The following NFIB variants were observed in gnomAD, a reference collection of about 807,000 sequenced individuals.
NFIB encodes nuclear factor 1 B-type.
In NFIB, 11 loss-of-function variants were observed where a neutral mutation model predicts 61.5. The ratio of observed to expected loss-of-function variants is 0.18; its 90% CI spans 0.11 to 0.30. The LOEUF is 0.30. Among genes scored for constraint, NFIB ranks in the 10% least tolerant of loss-of-function variants. The pLI is 1.00. For missense variants in NFIB, 471 were observed against 608.9 expected, an observed-to-expected ratio of 0.77 and a Z score of 2.38; for synonymous variants, 260 against 216.5, an observed-to-expected ratio of 1.20 and a Z score of -1.76.
intron 1 of NFIB, among the ~76,000 whole-genome samples, chr9:14,375,489 C>T (rs556087006): frequency 1.3e-5 from 2 of 152,248 alleles, no homozygotes; most frequent in Admixed American, 6.5e-5. Context: ...AACCCCGTCT[C>T]TACTAAAAAT....
At chr9:14,376,517 C>CT (rs781462864) in intron 1 of NFIB, among the ~76,000 whole-genome samples, 8,956 of 128,396 alleles carry the variant, frequency 0.07, 327 homozygotes, top group African/African-American at 0.15. Flanking sequence ...CTAAAAGTGT[C>CT]ATTTTTTTTT....
chr9:14,388,046 G>T (rs1005291083), intron 1 of NFIB, among the ~76,000 whole-genome samples: 1 of 152,146 alleles, frequency 6.6e-6, no homozygotes, highest in African/African-American at 2.4e-5. Context: ...GTACAAAAAT[G>T]TGTACCACAG....
At chr9:14,393,618 T>G (rs1280635230) in intron 1 of NFIB, among the ~76,000 whole-genome samples, 1 of 152,200 alleles carries the variant, frequency 6.6e-6, no homozygotes, top group Non-Finnish European at 1.5e-5. Flanking sequence ...TTTATTGAAG[T>G]GATGCTAATT....
intron 1 of NFIB, among the ~76,000 whole-genome samples, chr9:14,331,427 C>T (rs1490722706): frequency 6.6e-6 from 1 of 152,132 alleles, no homozygotes; most frequent in African/African-American, 2.4e-5. Context: ...TTTGAAATTG[C>T]CTTTTAAACC....
intron 1 of NFIB, among the ~76,000 whole-genome samples, chr9:14,378,601 C>T (rs973807862): frequency 2.6e-5 from 4 of 152,220 alleles, no homozygotes; most frequent in East Asian, 1.9e-4. Flanking sequence ...GCAATCCACC[C>T]GCATGGGCCT....
the NFIB span, among the ~76,000 whole-genome samples, chr9:14,503,990 A>AT: frequency 4.6e-5 from 7 of 152,038 alleles, no homozygotes; most frequent in Non-Finnish European, 7.4e-5. Context: ...TCTTGAGTTG[A>AT]TTTTTTTATA....
the NFIB span, among the ~76,000 whole-genome samples, chr9:14,424,798 G>C: frequency 1.2e-3 from 183 of 152,248 alleles, no homozygotes; most frequent in African/African-American, 4.1e-3. Context: ...ACTTTCTTTA[G>C]CTCCAGTTTG....
At chr9:14,224,590 A>G (rs1389308545) in intron 2 of NFIB, among the ~76,000 whole-genome samples, 2 of 152,252 alleles carry the variant, frequency 1.3e-5, no homozygotes, top group Non-Finnish European at 2.9e-5. Context: ...TGCTGAATCC[A>G]CTCAAATGAA....
chr9:14,465,500 C>T, the NFIB span, among the ~76,000 whole-genome samples: 1 of 151,916 alleles, frequency 6.6e-6, no homozygotes, highest in Admixed American at 6.6e-5. Context: ...AAGAAAATGG[C>T]TCATTAATGA....
In NFIB at chr9:14,120,644, A is replaced by G. The variant is rs2038800157; in HGVS notation, c.1061-20T>C. 6.3e-7 allele frequency: 1 copy of G among 1,576,584 alleles called. No homozygotes were observed. Among genetic ancestry groups the G allele is most frequent in the Non-Finnish European group, 8.6e-7 (1 of 1,163,578 alleles). On this transcript the variant is annotated intron_variant, in intron 7 of 10. Transcript: ENST00000380953. The surrounding 1 kb of genome is among the most constrained non-coding windows in gnomAD (Gnocchi z 4.4). ...AGATGACTGCAGAAGACAGAAAAGGAAAGATTGACTCATCAGCTGGTTACC... is the reference window on the plus strand; with the variant it reads ...AGATGACTGCAGAAGACAGAAAAGGGAAGATTGACTCATCAGCTGGTTACC...
At chr9:14,422,755 C>T in the NFIB span, among the ~76,000 whole-genome samples, 2 of 152,180 alleles carry the variant, frequency 1.3e-5, no homozygotes, top group African/African-American at 2.4e-5. Context: ...CCAGTGACCA[C>T]TTCTGCGACT....
intron 10 of NFIB, chr9:14,094,559 C>CT (rs1246892744): frequency 2.0e-5 from 3 of 152,376 alleles, no homozygotes; most frequent in Non-Finnish European, 4.4e-5. Context: ...CGGAATGATC[C>CT]TCTTTGCATG....
intron 2 of NFIB, among the ~76,000 whole-genome samples, chr9:14,236,761 T>C (rs770614007): frequency 6.6e-6 from 1 of 152,182 alleles, no homozygotes; most frequent in Non-Finnish European, 1.5e-5. Context: ...GGAAATGTAT[T>C]GGTTGGCAAC....
intron 10 of NFIB, among the ~76,000 whole-genome samples, chr9:14,098,780 G>A (rs1000029970): frequency 2.0e-5 from 3 of 152,136 alleles, no homozygotes; most frequent in African/African-American, 7.2e-5. Context: ...CTCTCTCAAG[G>A]TGCAAGCAAC....
rs757400084 is a variant in NFIB, at chr9:14,306,982, C to G, written c.562+7G>C. ...CCGTGCTAGAAAAAAGAACAATCTG[C>G]TCCTACCTTGCTCCTGCACGTAGTA... is the stretch of plus-strand genomic sequence containing the variant. On this transcript the variant is annotated splice_region_variant and intron_variant, in intron 2 of 10. Coordinates refer to ENST00000380953, the MANE Select transcript of NFIB (RefSeq NM_001190737.2). 6.2e-7 allele frequency: 1 copy of G among 1,613,416 alleles called. No homozygotes were observed. The highest frequency in any genetic ancestry group is 1.7e-5 in the Admixed American group (1 of 60,024).
intron 2 of NFIB, among the ~76,000 whole-genome samples, chr9:14,219,962 T>G (rs2051436221): frequency 6.6e-6 from 1 of 152,182 alleles, no homozygotes; most frequent in Non-Finnish European, 1.5e-5. Context: ...TATGAGAGGA[T>G]GGAACTACAC....
At chr9:14,519,332 T>C in the NFIB span, among the ~76,000 whole-genome samples, 4 of 152,102 alleles carry the variant, frequency 2.6e-5, no homozygotes, top group African/African-American at 7.2e-5. Context: ...AAGTTTATCA[T>C]TGAGTTTAGG....
chr9:14,156,498 C>T (rs1448793399), intron 3 of NFIB, among the ~76,000 whole-genome samples: 2 of 152,168 alleles, frequency 1.3e-5, no homozygotes, highest in African/African-American at 2.4e-5. Flanking sequence ...CACTGCTTTC[C>T]TCACCCTTGC....
chr9:14,299,324 A>G (rs2059623189), intron 2 of NFIB, among the ~76,000 whole-genome samples: 1 of 152,162 alleles, frequency 6.6e-6, no homozygotes, highest in Non-Finnish European at 1.5e-5. Flanking sequence ...ATGAGACTAT[A>G]TATGTGTCGC....
Sources: gnomAD v4.1 joint callset for allele counts (sites outside exome capture counted in the v4.1 genomes callset) on GRCh38, gnomAD v4.1.1 for gene constraint, Gnocchi (gnomAD v3.1) non-coding constraint, MANE v1.5 for transcripts, NCBI Gene and HGNC (gene_info 2026-07-23, HGNC 2026-07-21) for gene names.